Variants in IL11RA observed in about 807,000 individuals in gnomAD.
IL11RA encodes the protein interleukin 11 receptor subunit alpha.
A neutral mutation model predicts 57.0 loss-of-function variants in IL11RA; 51 were observed. The ratio of observed to expected loss-of-function variants is 0.89; its 90% confidence interval spans 0.71 to 1.13. The LOEUF is 1.13. Among genes scored for constraint, IL11RA ranks in the 50% most tolerant of loss-of-function variants. IL11RA has a pLI of 0.00. For missense variants in IL11RA, 498 were observed against 539.4 expected, an observed-to-expected ratio of 0.92 and a Z score of 0.76; for synonymous variants, 199 against 217.5, an observed-to-expected ratio of 0.91 and a Z score of 0.75.
At chr9:34,652,805 C>T (rs1821276668) in intron 1 of IL11RA, among the ~76,000 whole-genome samples, 1 of 152,164 alleles carries the variant, frequency 6.6e-6, no homozygotes, top group Admixed American at 6.5e-5. Flanking sequence ...GACAGACACA[C>T]CCACAACACA....
chr9:34,656,075 A>G (rs926082622), intron 3 of IL11RA: 28 of 300,646 alleles, frequency 9.3e-5, no homozygotes, highest in African/African-American at 5.9e-4. Context: ...TCTGTTGCCC[A>G]GGCTGGAGTG....
At chr9:34,657,632 C>T (rs1305887383) in intron 7 of IL11RA, 45 bp downstream of exon 7, 1 of 1,570,598 alleles carries the variant, frequency 6.4e-7, no homozygotes, top group African/African-American at 1.4e-5. Context: ...ATCACAGAGA[C>T]CCCAAATGGA....
Position 34,660,374 on chromosome 9 carries a change from A to G in IL11RA, c.1053A>G (p.Gln351=), listed in dbSNP as rs373290583. The G allele has an allele frequency of 6.2e-6, 10 of 1,613,916 alleles. No individual in the cohort carries two copies. The Admixed American group carries it at 1.2e-4, about 19-fold the overall frequency. The change falls in exon 10 of 13, where the codon CAA becomes CAG. Residue 351 remains glutamine, a synonymous_variant. Coordinates refer to ENST00000441545, the MANE Select transcript of IL11RA (RefSeq NM_001142784.3). Reference sequence around the variant, plus strand: ...CTGCTCCTCCAAGGCCCTCCCTCCAACCACACCCTCGGCTACTTGGTGAGC... The same window carrying G: ...CTGCTCCTCCAAGGCCCTCCCTCCAGCCACACCCTCGGCTACTTGGTGAGC... ...DSPAPPRPSL[Q]PHPRLLDHRD...
rs770001332 is a variant in IL11RA, at chr9:34,656,854, A to C, written c.277A>C (p.Ile93Leu). The change falls in exon 4 of 13, where the codon ATC becomes CTC. Residue 93 changes from isoleucine to leucine, a missense_variant. Ile to Leu is a conservative substitution (Grantham distance 5). Transcript: ENST00000441545. ...AGACAGCACTGATGAGGGCACCTAC[A>C]TCTGCCAGACCCTGGATGGTGCACT... ...QADSTDEGTY[I>L]CQTLDGALGG... The C allele has an allele frequency of 4.3e-6, 7 of 1,614,128 alleles. No individual in the cohort carries two copies. The highest frequency in any genetic ancestry group is 5.9e-6 in the Non-Finnish European group (7 of 1,180,016).
rs12235513 is a variant in IL11RA at position 34,659,122 on chromosome 9, A to G, written c.810+439A>G. Among the ~76,000 whole-genome samples, 117 of 152,118 alleles carry G rather than the reference A, an allele frequency of 7.7e-4. 1 individual carries two copies. The East Asian group carries it at 0.02, about 25-fold the overall frequency. On this transcript the variant is annotated intron_variant, in intron 8 of 12. Coordinates refer to ENST00000441545, the MANE Select transcript of IL11RA (RefSeq NM_001142784.3). ...GTATTTTTAGTAGAGATGGGGTTTC[A>G]CCATATTGCCCAGGCTGGTCTCGAA...
intron 1 of IL11RA, 167 bp from the exon 2 acceptor site, chr9:34,655,051 A>T (rs1469116524): frequency 4.5e-6 from 3 of 663,856 alleles, no homozygotes; most frequent in Non-Finnish European, 8.4e-6. Context: ...CTGGGTATAC[A>T]GTGGGAAAGG....
At chr9:34,661,015 C>T (rs1233658799) in intron 12 of IL11RA, 79 bp downstream of exon 12, 23 of 1,188,536 alleles carry the variant, frequency 1.9e-5, no homozygotes, top group Admixed American at 3.4e-5. Flanking sequence ...GCTGGCTGCC[C>T]TAGTCATTTT....
At position 34,654,800 on chromosome 9, in the gene IL11RA, G is replaced by A. The variant is rs1220235036; in HGVS notation, c.1-418G>A. ...GTGATAAGCCCTGGACCAGGTGGGG[G>A]TAAATACCAGAATTCCCAACAGCTG... is the stretch of plus-strand genomic sequence containing the variant. On this transcript the variant is annotated intron_variant, in intron 1 of 12. Coordinates refer to ENST00000441545, the MANE Select transcript of IL11RA (RefSeq NM_001142784.3). Among the ~76,000 whole-genome samples the A allele has an allele frequency of 2.0e-5, 3 of 152,210 alleles. No individual in the cohort carries two copies. In the East Asian group the frequency reaches 5.8e-4, roughly 29 times the overall value.
At chr9:34,655,921 GC>G (rs1821335260) in intron 3 of IL11RA, 1 of 548,220 alleles carries the variant, frequency 1.8e-6, no homozygotes, top group African/African-American at 1.9e-5. Context: ...CCTTCAAAGA[GC>G]TTACATCTTA....
chr9:34,657,599 C>T lies in IL11RA; in HGVS notation c.646+12C>T. The T allele has an allele frequency of 6.2e-7, 1 of 1,612,670 alleles. No individual in the cohort carries two copies. Among genetic ancestry groups the T allele is most frequent in the Non-Finnish European group, 8.5e-7 (1 of 1,179,248 alleles). On this transcript the variant is annotated intron_variant, in intron 7 of 12. Transcript: ENST00000441545. Reference sequence around the variant, plus strand: ...CTTGCAGAGCATCTGTGAGTACCCACCCCAGACCTCCCCCAGACCCCCATC... The same window carrying T: ...CTTGCAGAGCATCTGTGAGTACCCATCCCAGACCTCCCCCAGACCCCCATC...
chr9:34,657,638 A>G (rs1821374176), intron 7 of IL11RA, 51 bp downstream of exon 7: 5 of 1,544,800 alleles, frequency 3.2e-6, no homozygotes, highest in East Asian at 2.3e-5. Context: ...GAGACCCCAA[A>G]TGGACTCAGA....
chr9:34,656,271 A>G (rs1821341951), intron 3 of IL11RA, among the ~76,000 whole-genome samples: 1 of 152,050 alleles, frequency 6.6e-6, no homozygotes, highest in African/African-American at 2.4e-5. Flanking sequence ...ACTTCAAGTA[A>G]TCCACCCACC....
intron 1 of IL11RA, among the ~76,000 whole-genome samples, 168 bp downstream of exon 1, chr9:34,652,401 C>T (rs1821271814): frequency 2.0e-5 from 3 of 152,148 alleles, no homozygotes; most frequent in African/African-American, 7.2e-5. Flanking sequence ...CTTGGTGCAG[C>T]TGTCAGCTAA....
chr9:34,659,460 A>C (rs1329187855), intron 8 of IL11RA, among the ~76,000 whole-genome samples: 1 of 152,106 alleles, frequency 6.6e-6, no homozygotes, highest in African/African-American at 2.4e-5. Flanking sequence ...AGGTAGATTC[A>C]CCTCTATTTT....
intron 12 of IL11RA, among the ~76,000 whole-genome samples, 165 bp from the exon 13 acceptor site, chr9:34,661,317 C>G (rs1434934568): frequency 1.2e-4 from 19 of 152,088 alleles, no homozygotes; most frequent in Admixed American, 1.2e-3. Flanking sequence ...GAGCTAGGTC[C>G]ACTCCCGTAT....
At position 34,660,954 on chromosome 9, in the gene IL11RA, A is replaced by C. The variant is rs1474749403; in HGVS notation, c.1252+18A>C. ...GCGTCCAGGTGAGTAGGACATCCAG[A>C]AGATTTGGACTTGGAGATGTTTGCC... On this transcript the variant is annotated intron_variant, in intron 12 of 12. Transcript: ENST00000441545. 2 of 1,484,508 alleles carry C rather than the reference A, an allele frequency of 1.3e-6. No homozygotes were observed. The highest frequency in any genetic ancestry group is 1.8e-6 in the Non-Finnish European group (2 of 1,095,758). The allele number at this position is 1,484,508 out of a possible 1,614,324, so 92.0% of individuals were successfully genotyped here.
Position 34,655,328 on chromosome 9 carries a change from C to A in IL11RA, c.100+11C>A. The A allele has an allele frequency of 1.4e-6, 2 of 1,466,876 alleles. No homozygotes were observed. Among genetic ancestry groups the A allele is most frequent in the South Asian group, 1.2e-5 (1 of 86,652 alleles). 90.9% of individuals were successfully genotyped at this position (1,466,876 alleles called of 1,614,324 possible). A position where few individuals can be genotyped will look rare whatever the true frequency, so the allele number is the denominator to read the frequency against. ...CCTGGGGCCCCCCAGGTGAGAAGAA[C>A]CCTGCTCTACAACCTCCCAACTCTG... On this transcript the variant is annotated intron_variant, in intron 2 of 12. Transcript: ENST00000441545.
chr9:34,660,213 C>T, intron 9 of IL11RA, 61 bp from the exon 10 acceptor site: 1 of 1,612,894 alleles, frequency 6.2e-7, no homozygotes, highest in South Asian at 1.1e-5. Flanking sequence ...GCCTTGAGCA[C>T]AGGACGTGAC....
rs1004259767 is a variant in IL11RA, at chr9:34,658,389, T to C, written c.647-131T>C. ...TGACCGGTCTGAGTCTAATGGATGA[T>C]CAAGTTTAAGATTTCCCCTCCCCTC... is the stretch of plus-strand genomic sequence containing the variant. On this transcript the variant is annotated intron_variant, in intron 7 of 12. Coordinates refer to ENST00000441545, the MANE Select transcript of IL11RA (RefSeq NM_001142784.3). This position sits in a 1 kb window ranked among gnomAD's most constrained non-coding sequence, Gnocchi z 4.0. The C allele has an allele frequency of 1.4e-5, 13 of 939,268 alleles. No homozygotes were observed. Among genetic ancestry groups the C allele is most frequent in the Admixed American group, 5.6e-5 (3 of 53,154 alleles). The allele number at this position is 939,268 out of a possible 1,614,324, so 58.2% of individuals were successfully genotyped here.
Sources: allele counts gnomAD v4.1 joint callset (sites outside exome capture counted in the v4.1 genomes callset), GRCh38; gene constraint gnomAD v4.1.1; non-coding constraint Gnocchi (gnomAD v3.1); transcripts MANE v1.5; gene names NCBI Gene and HGNC (gene_info 2026-07-23, HGNC 2026-07-21).